Variants in GDNF observed in about 807,000 individuals in gnomAD.
GDNF encodes glial cell derived neurotrophic factor, also known as glial cell line-derived neurotrophic factor.
Under a neutral mutation model 13.7 loss-of-function variants are expected in GDNF, and 5 were observed. That is an observed-to-expected ratio of 0.36 (90% CI 0.19 to 0.77). The LOEUF (loss-of-function observed/expected upper bound fraction) is 0.77, where lower values mean the gene tolerates loss of function less well. Among genes scored for constraint, GDNF ranks in the 30% least tolerant of loss-of-function variants. The pLI is 0.51. For synonymous variants in GDNF, 122 were observed against 112.5 expected (o/e 1.08, Z -0.53); for missense variants, 246 against 274.3 (o/e 0.90, Z 0.73).
At chr5:37,816,215 T>C (rs1749926875) in intron 2 of GDNF, 80 bp from the exon 3 acceptor site, 1 of 1,459,020 alleles carries the variant, frequency 6.9e-7, no homozygotes, top group Non-Finnish European at 9.5e-7. Flanking sequence ...AGTGCCCCCC[T>C]AAAGTCAGCA....
In GDNF at chr5:37,837,229, A is replaced by G. The variant is rs2111733169; in HGVS notation, c.-27+2278T>C. Among the ~76,000 whole-genome samples, 1 of 152,124 alleles carries G rather than the reference A, an allele frequency of 6.6e-6. No individual in the cohort carries two copies. The highest frequency in any genetic ancestry group is 1.9e-4 in the East Asian group (1 of 5,154). On this transcript the variant is annotated intron_variant, in intron 1 of 2. Coordinates refer to ENST00000326524, the MANE Select transcript of GDNF (RefSeq NM_000514.4). This position sits in a 1 kb window ranked among gnomAD's most constrained non-coding sequence, Gnocchi z 6.5. ...TCTCTCTATCGCTTTCCCAAAACAC[A>G]TCTACATCTGCCCGACGCGCTTCTC... is the stretch of plus-strand genomic sequence containing the variant.
Position 37,840,008 on chromosome 5 carries a change from C to T in GDNF, c.-528G>A, listed in dbSNP as rs1377590974. 3 of 152,166 alleles carry T rather than the reference C, an allele frequency of 2.0e-5. No individual in the cohort carries two copies. The highest frequency in any genetic ancestry group is 7.2e-5 in the African/African-American group (3 of 41,400). The allele number at this position is 152,166 out of a possible 1,614,324, so 9.4% of individuals were successfully genotyped here. On this transcript the variant is annotated 5_prime_UTR_variant, in exon 1 of 3. Coordinates refer to ENST00000326524, the MANE Select transcript of GDNF (RefSeq NM_000514.4). This position sits in a 1 kb window ranked among gnomAD's most constrained non-coding sequence, Gnocchi z 4.4. ...ACCACGTCAACCGGCGCGGGGAGTC[C>T]CGTGAAGACATGAGGGCGCCAGGAG... is the stretch of plus-strand genomic sequence containing the variant.
At chr5:37,819,232 GC>G (rs895858524) in intron 2 of GDNF, among the ~76,000 whole-genome samples, 8 of 152,196 alleles carry the variant, frequency 5.3e-5, no homozygotes, top group African/African-American at 1.4e-4. Context: ...AAAGTAAACA[GC>G]CCACATTACT....
At chr5:37,830,328 G>A (rs1750478254) in intron 2 of GDNF, among the ~76,000 whole-genome samples, 2 of 152,148 alleles carry the variant, frequency 1.3e-5, no homozygotes. Flanking sequence ...GACGGAAGAG[G>A]TCTCCCTAAC....
rs1750765401 is a variant in GDNF at position 37,837,929 on chromosome 5, G to A, written c.-27+1578C>T. Reference sequence around the variant, plus strand: ...AGGTTTGTTTGGGCTTTGCCTTCAAGATCCAGGTCTCAGAGAGAGAAAAAG... The same window carrying A: ...AGGTTTGTTTGGGCTTTGCCTTCAAAATCCAGGTCTCAGAGAGAGAAAAAG... On this transcript the variant is annotated intron_variant, in intron 1 of 2. Coordinates refer to ENST00000326524, the MANE Select transcript of GDNF (RefSeq NM_000514.4). This position sits in a 1 kb window ranked among gnomAD's most constrained non-coding sequence, Gnocchi z 6.5. Among the ~76,000 whole-genome samples, 1 of 151,554 alleles carries A rather than the reference G, an allele frequency of 6.6e-6. No individual in the cohort carries two copies. Among genetic ancestry groups the A allele is most frequent in the African/African-American group, 2.4e-5 (1 of 41,230 alleles).
chr5:37,836,012 G>C (rs1171424789), intron 1 of GDNF, among the ~76,000 whole-genome samples: 2 of 152,094 alleles, frequency 1.3e-5, no homozygotes, highest in Non-Finnish European at 2.9e-5. Flanking sequence ...CAACCAATGA[G>C]GAGACGGGGA....
At chr5:37,821,439 C>A (rs1393176972) in intron 2 of GDNF, among the ~76,000 whole-genome samples, 1 of 152,108 alleles carries the variant, frequency 6.6e-6, no homozygotes, top group African/African-American at 2.4e-5. Flanking sequence ...AGAGGAGCAT[C>A]ATTAAAAAAA....
intron 2 of GDNF, among the ~76,000 whole-genome samples, chr5:37,822,853 A>G (rs905748845): frequency 3.3e-5 from 5 of 152,248 alleles, no homozygotes; most frequent in Admixed American, 6.5e-5. Context: ...AAGAGTCCCA[A>G]TGAATGTCAT....
At position 37,822,215 on chromosome 5, in the gene GDNF, C is replaced by T. The variant is rs182486712; in HGVS notation, c.152-6080G>A. On this transcript the variant is annotated intron_variant, in intron 2 of 2. Coordinates refer to ENST00000326524, the MANE Select transcript of GDNF (RefSeq NM_000514.4). ...AGAGGGGGCCTGACCTCAGTACACA[C>T]AGTGGTCCTGTTCAGGAGATGTCTT... is the stretch of plus-strand genomic sequence containing the variant. 1.5e-4 allele frequency among the ~76,000 whole-genome samples: 23 copies of T among 152,338 alleles called. 1 individual carries two copies. The highest frequency in any genetic ancestry group is 1.5e-3 in the Admixed American group (23 of 15,308).
At chr5:37,833,581 G>A (rs78899997) in intron 2 of GDNF, among the ~76,000 whole-genome samples, 9,044 of 152,220 alleles carry the variant, frequency 0.059, 398 homozygotes, top group Non-Finnish European at 0.092. Flanking sequence ...GGGTTTGGGG[G>A]ACTCAGCGCA....
chr5:37,828,110 C>T (rs1222357765), intron 2 of GDNF, among the ~76,000 whole-genome samples: 1 of 152,208 alleles, frequency 6.6e-6, no homozygotes, highest in Non-Finnish European at 1.5e-5. Context: ...CCTATTCCCA[C>T]TGAGGCCATC....
chr5:37,831,166 G>A (rs1170932487), intron 2 of GDNF, among the ~76,000 whole-genome samples: 1 of 151,956 alleles, frequency 6.6e-6, no homozygotes, highest in Middle Eastern at 3.2e-3. Flanking sequence ...ACAACTTAAC[G>A]ATGCTCAATG....
chr5:37,824,697 G>A (rs923642248), intron 2 of GDNF, among the ~76,000 whole-genome samples: 3 of 152,162 alleles, frequency 2.0e-5, no homozygotes, highest in Non-Finnish European at 4.4e-5. Flanking sequence ...ATGACCTTCC[G>A]TGCTTTCCTA....
chr5:37,818,935 C>A (rs1259458430), intron 2 of GDNF, among the ~76,000 whole-genome samples: 3 of 152,124 alleles, frequency 2.0e-5, no homozygotes, highest in African/African-American at 7.2e-5. Flanking sequence ...TGCGCCTCCC[C>A]CTCCACCATA....
chr5:37,830,522 C>T (rs1429422796), intron 2 of GDNF, among the ~76,000 whole-genome samples: 2 of 152,202 alleles, frequency 1.3e-5, no homozygotes, highest in Non-Finnish European at 2.9e-5. Flanking sequence ...AATAGCCTGC[C>T]CACAAGGCCT....
chr5:37,827,773 T>A (rs1004906197), intron 2 of GDNF, among the ~76,000 whole-genome samples: 4 of 152,236 alleles, frequency 2.6e-5, no homozygotes, highest in Non-Finnish European at 5.9e-5. Context: ...TCATTTTCCA[T>A]GAACTAAATA....
At chr5:37,820,551 C>T (rs1272821685) in intron 2 of GDNF, among the ~76,000 whole-genome samples, 1 of 152,078 alleles carries the variant, frequency 6.6e-6, no homozygotes, top group African/African-American at 2.4e-5. Context: ...TGTATAGCAC[C>T]AAGAGTGAAC....
In GDNF at chr5:37,816,104, G is replaced by A. The variant is rs115263690; in HGVS notation, c.183C>T (p.Phe61=). 176 of 1,612,794 alleles carry A rather than the reference G, an allele frequency of 1.1e-4. No homozygotes were observed. In the African/African-American group the frequency reaches 1.8e-3, roughly 16 times the overall value. The change falls in exon 3 of 3, where the codon TTC becomes TTT. Residue 61 remains phenylalanine, a synonymous_variant. Transcript: ENST00000326524. ...CTTGAATAAAATCCATGACATCATCGAACTGATCAGGATAATCCTCTGGCA... is the reference window on the plus strand; with the variant it reads ...CTTGAATAAAATCCATGACATCATCAAACTGATCAGGATAATCCTCTGGCA... ...SNMPEDYPDQ[F]DDVMDFIQAT...
chr5:37,819,444 CTTTTT>C (rs529362873), intron 2 of GDNF, among the ~76,000 whole-genome samples: 1 of 126,208 alleles, frequency 7.9e-6, no homozygotes. Context: ...GTGCTCTTTT[CTTTTT>C]TTTTTTTTTT....
Sources: gnomAD v4.1 joint callset for allele counts (sites outside exome capture counted in the v4.1 genomes callset) on GRCh38, gnomAD v4.1.1 for gene constraint, Gnocchi (gnomAD v3.1) non-coding constraint, MANE v1.5 for transcripts, NCBI Gene and HGNC (gene_info 2026-07-23, HGNC 2026-07-21) for gene names.